USH2A: variants seen among roughly 807,000 people sequenced by gnomAD.
USH2A encodes usherin.
In USH2A, 443 loss-of-function variants were observed where a neutral mutation model predicts 538.9. The ratio of observed to expected loss-of-function variants is 0.82; its 90% CI spans 0.76 to 0.89. The LOEUF (loss-of-function observed/expected upper bound fraction) is 0.89. Ranked by LOEUF, USH2A falls within the 40% of genes least tolerant of loss-of-function variation. USH2A has a pLI of 0.00. For missense variants in USH2A, 6,633 were observed against 6,324.8 expected (o/e 1.05, Z -1.65); for synonymous variants, 2,413 against 2,273.5 (o/e 1.06, Z -1.75).
intron 38 of USH2A, among the ~76,000 whole-genome samples, chr1:215,930,213 G>C (rs1477868217): frequency 1.3e-5 from 2 of 151,928 alleles, no homozygotes; most frequent in African/African-American, 4.8e-5. Flanking sequence ...TTCAGAAAAA[G>C]ATAAACAGAA....
At chr1:216,175,159 T>C (rs1040793496) in intron 21 of USH2A, 93 bp downstream of exon 21, 24 of 1,568,948 alleles carry the variant, frequency 1.5e-5, no homozygotes, top group Non-Finnish European at 1.8e-5. Flanking sequence ...TCTAAGTAGG[T>C]ATAATAAAAA....
chr1:215,782,393 G>C (rs113679622), intron 53 of USH2A, among the ~76,000 whole-genome samples, 197 bp from the exon 54 acceptor site: 3 of 144,576 alleles, frequency 2.1e-5, no homozygotes, highest in Non-Finnish European at 4.6e-5. Context: ...TAAATGATAA[G>C]AGTCATTTAT....
In USH2A at chr1:215,909,042, T is replaced by C. The variant is rs1168740760; in HGVS notation, c.7301-8137A>G. On this transcript the variant is annotated intron_variant, in intron 38 of 71. Coordinates refer to ENST00000307340, the MANE Select transcript of USH2A (RefSeq NM_206933.4). The stretch of plus-strand genomic sequence containing the variant: ...AAATATATTATATATCTACATGTCA[T>C]ATAATTTGTATATAATTACATATGA... 1.1e-4 allele frequency among the ~76,000 whole-genome samples: 16 copies of C among 150,178 alleles called. No individual in the cohort carries two copies. In the Admixed American group the frequency reaches 1.1e-3, roughly 10 times the overall value.
intron 3 of USH2A, among the ~76,000 whole-genome samples, chr1:216,376,729 C>T (rs2038829040): frequency 6.6e-6 from 1 of 152,022 alleles, no homozygotes; most frequent in African/African-American, 2.4e-5. Flanking sequence ...CACTGCTGAC[C>T]CCAAGTCAGA....
rs114190955 is a variant in USH2A, at chr1:216,054,193, C to G, written c.6050-5546G>C. On this transcript the variant is annotated intron_variant, in intron 30 of 71. Transcript: ENST00000307340. The stretch of plus-strand genomic sequence containing the variant: ...GATTTTGCAGACTGTTAGCTCCACT[C>G]GGCTATTTCTCTCACTATAGGAGAG... 5.2e-3 allele frequency among the ~76,000 whole-genome samples: 793 copies of G among 152,282 alleles called. 5 individuals are homozygous for G. Among genetic ancestry groups the G allele is most frequent in the African/African-American group, 0.018 (735 of 41,554 alleles).
chr1:215,770,509 T>C (rs1558090274), intron 55 of USH2A, among the ~76,000 whole-genome samples: 1 of 152,208 alleles, frequency 6.6e-6, no homozygotes, highest in African/African-American at 2.4e-5. Context: ...AGGGTGTTTT[T>C]GTTTTTGTTG....
chr1:216,029,927 C>T (rs11120722), intron 32 of USH2A, among the ~76,000 whole-genome samples: 62,643 of 148,628 alleles, frequency 0.42, 14,411 homozygotes, highest in East Asian at 0.68. Context: ...AACCTAAATG[C>T]CCATCACTGA....
At chr1:216,306,552 A>G (rs1454698166) in intron 9 of USH2A, among the ~76,000 whole-genome samples, 2 of 152,144 alleles carry the variant, frequency 1.3e-5, no homozygotes, top group Non-Finnish European at 2.9e-5. Flanking sequence ...CTGGTAAGCT[A>G]TTGTGATCTT....
intron 18 of USH2A, among the ~76,000 whole-genome samples, chr1:216,197,671 AT>A (rs921483412): frequency 1.3e-5 from 2 of 152,072 alleles, no homozygotes; most frequent in South Asian, 2.1e-4. Flanking sequence ...ACAAAAGTGT[AT>A]TTTTTTTCTT....
intron 32 of USH2A, among the ~76,000 whole-genome samples, chr1:216,010,245 C>T (rs6672655): frequency 2.0e-5 from 3 of 152,188 alleles, no homozygotes; most frequent in African/African-American, 7.2e-5. Context: ...GCGGCCAGGC[C>T]TTCCTCCAGA....
chr1:215,874,420 AG>A (rs1664706631), intron 43 of USH2A, among the ~76,000 whole-genome samples: 1 of 152,208 alleles, frequency 6.6e-6, no homozygotes, highest in Non-Finnish European at 1.5e-5. Context: ...AAGAGCAAAA[AG>A]TATTTTTGTT....
chr1:216,013,321 G>A lies in USH2A; in HGVS notation c.6326-12759C>T, dbSNP rs1209638629. On this transcript the variant is annotated intron_variant, in intron 32 of 71. Transcript: ENST00000307340. ...AATCTCTCCCACTCTAGGTTCCCAC[G>A]CCGCCCCTAATCCCGCTCGAAGCAG... 2.7e-5 allele frequency among the ~76,000 whole-genome samples: 4 copies of A among 149,998 alleles called. 1 individual carries two copies. The highest frequency in any genetic ancestry group is 2.1e-4 in the South Asian group (1 of 4,692).
At chr1:216,195,291 C>T (rs2102457795) in intron 19 of USH2A, among the ~76,000 whole-genome samples, 1 of 152,182 alleles carries the variant, frequency 6.6e-6, no homozygotes, top group Admixed American at 6.5e-5. Context: ...GTTCAGGCCC[C>T]CATGACATCC....
intron 34 of USH2A, among the ~76,000 whole-genome samples, chr1:215,995,069 A>AT (rs928815082): frequency 2.0e-5 from 3 of 151,936 alleles, no homozygotes; most frequent in Non-Finnish European, 4.4e-5. Context: ...ACTTGTCACT[A>AT]TTTTTTTCTT....
At chr1:216,352,738 G>A (rs1170681136) in intron 4 of USH2A, among the ~76,000 whole-genome samples, 1 of 152,074 alleles carries the variant, frequency 6.6e-6, no homozygotes, top group African/African-American at 2.4e-5. Flanking sequence ...GAAAAATGAG[G>A]CAAGATATTC....
chr1:215,982,125 T>C (rs1667766196), intron 35 of USH2A, among the ~76,000 whole-genome samples: 1 of 152,228 alleles, frequency 6.6e-6, no homozygotes. Context: ...CTCCAACCAC[T>C]TCAGCCCTTC....
chr1:216,352,033 A>C (rs2038297214), intron 4 of USH2A, among the ~76,000 whole-genome samples: 1 of 152,180 alleles, frequency 6.6e-6, no homozygotes, highest in Non-Finnish European at 1.5e-5. Flanking sequence ...TTTAATTTTG[A>C]AATGTAAATT....
At chr1:216,040,852 A>G (rs2030244547) in intron 32 of USH2A, among the ~76,000 whole-genome samples, 1 of 152,050 alleles carries the variant, frequency 6.6e-6, no homozygotes, top group East Asian at 1.9e-4. Flanking sequence ...TGGGACAGAA[A>G]TAAGAGATTA....
intron 38 of USH2A, among the ~76,000 whole-genome samples, chr1:215,918,793 T>C (rs1405320493): frequency 6.6e-6 from 1 of 152,126 alleles, no homozygotes; most frequent in Admixed American, 6.6e-5. Flanking sequence ...ACCACAGCAA[T>C]GATCAATAAT....
Sources: gnomAD v4.1 joint callset for allele counts (sites outside exome capture counted in the v4.1 genomes callset) on GRCh38, gnomAD v4.1.1 for gene constraint, MANE v1.5 for transcripts, NCBI Gene and HGNC (gene_info 2026-07-23, HGNC 2026-07-21) for gene names.